CCDC191: variants seen among roughly 807,000 people sequenced by gnomAD.
CCDC191 encodes the protein coiled-coil domain containing 191, also known as coiled-coil domain-containing protein 191.
Under a neutral mutation model 114.0 loss-of-function variants are expected in CCDC191, and 99 were observed. The ratio of observed to expected loss-of-function variants is 0.87; its 90% CI spans 0.74 to 1.03. The LOEUF is 1.03. CCDC191 is among the 50% of genes least tolerant of loss of function. The pLI is 0.00. For synonymous variants in CCDC191, 351 were observed against 376.0 expected (o/e 0.93, Z 0.77); for missense variants, 973 against 1,087.0 (o/e 0.90, Z 1.47).
intron 1 of CCDC191, among the ~76,000 whole-genome samples, chr3:114,055,458 T>G (rs2076758667): frequency 6.6e-6 from 1 of 152,240 alleles, no homozygotes; most frequent in African/African-American, 2.4e-5. Context: ...GGGCAACATA[T>G]TTGTCATGTG....
chr3:114,004,767 A>T (rs1478021334), intron 10 of CCDC191, 21 bp from the exon 11 acceptor site: 1 of 1,603,272 alleles, frequency 6.2e-7, no homozygotes, highest in Non-Finnish European at 8.5e-7. Context: ...AATAAAGGAA[A>T]GGAATTTAGA....
intron 2 of CCDC191, among the ~76,000 whole-genome samples, chr3:114,049,910 T>C (rs754953909): frequency 7.2e-5 from 11 of 152,246 alleles, no homozygotes; most frequent in Admixed American, 3.3e-4. Context: ...CAAGTCCTGA[T>C]TGAAGGCTAG....
chr3:113,996,741 A>C (rs2075731845), intron 13 of CCDC191, among the ~76,000 whole-genome samples: 1 of 152,160 alleles, frequency 6.6e-6, no homozygotes, highest in Admixed American at 6.5e-5. Context: ...TGAAGCTGGA[A>C]GCCATCATAC....
At position 114,028,966 on chromosome 3, in the gene CCDC191, A is replaced by G. The variant is rs2076364816; in HGVS notation, c.972+2660T>C. ...CATACATACACACATATATCTATGT[A>G]TATATCTATATATATTTTATATATA... On this transcript the variant is annotated intron_variant, in intron 7 of 16. Transcript: ENST00000295878. Among the ~76,000 whole-genome samples, 3 of 150,944 alleles carry G rather than the reference A, an allele frequency of 2.0e-5. 1 individual carries two copies. Among genetic ancestry groups the G allele is most frequent in the Admixed American group, 2.0e-4 (3 of 15,144 alleles).
chr3:114,033,126 C>T (rs912505236), intron 6 of CCDC191, among the ~76,000 whole-genome samples: 4 of 150,710 alleles, frequency 2.7e-5, no homozygotes, highest in African/African-American at 9.8e-5. Context: ...TGGAGTCTCA[C>T]TCACTCTGTC....
intron 2 of CCDC191, among the ~76,000 whole-genome samples, chr3:114,049,712 TTAAAA>T (rs1228119484): frequency 1.3e-5 from 2 of 152,196 alleles, no homozygotes; most frequent in African/African-American, 4.8e-5. Context: ...GGGATATCAC[TTAAAA>T]TGAAGATTTG....
At position 114,005,785 on chromosome 3, in the gene CCDC191, G is replaced by T; in HGVS notation, c.1591C>A (p.Pro531Thr). 1 of 1,614,094 alleles carries T rather than the reference G, an allele frequency of 6.2e-7. No individual in the cohort carries two copies. The highest frequency in any genetic ancestry group is 8.5e-7 in the Non-Finnish European group (1 of 1,180,002). The change falls in exon 10 of 17, where the codon CCT becomes ACT. Residue 531 changes from proline to threonine, a missense_variant. Physicochemically the swap from Pro to Thr is conservative, Grantham distance 38. Coordinates refer to ENST00000295878, the MANE Select transcript of CCDC191 (RefSeq NM_020817.2). The stretch of plus-strand genomic sequence containing the variant: ...GTTCTGAGTGTCTCGTTGCTGCCAG[G>T]CTGTTGAGAGGGTTCAGCACCCAGG... ...KTLGAEPSQQPGSNETLRTTS... is the reference protein window; with the variant it reads ...KTLGAEPSQQTGSNETLRTTS...
intron 2 of CCDC191, chr3:114,047,158 G>C (rs1410617159): frequency 2.1e-6 from 2 of 975,268 alleles, no homozygotes; most frequent in East Asian, 2.3e-4. Flanking sequence ...TAGTACTCCT[G>C]AAGGAAATCT....
At chr3:114,053,673 T>C in intron 1 of CCDC191, 38 bp from the exon 2 acceptor site, 2 of 1,452,322 alleles carry the variant, frequency 1.4e-6, no homozygotes, top group African/African-American at 1.4e-5. Flanking sequence ...TACGCAGCAA[T>C]ATCTTTATCA....
chr3:113,978,541 A>C (rs548360443), intron 15 of CCDC191: 29 of 609,694 alleles, frequency 4.8e-5, no homozygotes, highest in Non-Finnish European at 7.9e-5. Context: ...AAACAGTTAT[A>C]AGATTGAAGG....
chr3:114,010,194 G>A (rs1433588130), intron 9 of CCDC191, among the ~76,000 whole-genome samples: 3 of 151,862 alleles, frequency 2.0e-5, no homozygotes, highest in Non-Finnish European at 2.9e-5. Context: ...TTTGGCAGAC[G>A]AGTTCCTCAA....
At position 114,042,756 on chromosome 3, in the gene CCDC191, C is replaced by T; in HGVS notation, c.362G>A (p.Ser121Asn). The T allele has an allele frequency of 1.2e-6, 2 of 1,600,442 alleles. No homozygotes were observed. Among genetic ancestry groups the T allele is most frequent in the Non-Finnish European group, 1.7e-6 (2 of 1,175,358 alleles). ...EEGDAKNTVS[S>N]VTIMPEANGH... ...ATTGGCTTCCGGCATAATAGTGACA[C>T]TTGACACAGTGTTTTTAGCATCACC... The change falls in exon 4 of 17, where the codon AGT (serine) becomes AAT (asparagine). Residue 121 changes from serine to asparagine, a missense_variant. Coordinates refer to ENST00000295878, the MANE Select transcript of CCDC191 (RefSeq NM_020817.2).
intron 5 of CCDC191, 48 bp downstream of exon 5, chr3:114,036,560 C>T: frequency 1.4e-6 from 2 of 1,383,936 alleles, no homozygotes; most frequent in Non-Finnish European, 2.0e-6. Flanking sequence ...ATGTGTTACA[C>T]AAAGACTGCT....
intron 8 of CCDC191, among the ~76,000 whole-genome samples, chr3:114,014,763 C>T (rs1425791248): frequency 6.6e-6 from 1 of 152,108 alleles, no homozygotes; most frequent in African/African-American, 2.4e-5. Flanking sequence ...CTAGAAAGCT[C>T]TCCAGGGAAT....
intron 9 of CCDC191, among the ~76,000 whole-genome samples, chr3:114,009,393 T>C (rs2076028447): frequency 6.6e-6 from 1 of 152,174 alleles, no homozygotes; most frequent in South Asian, 2.1e-4. Context: ...ATTTTCCTTC[T>C]TTATATACTT....
intron 16 of CCDC191, among the ~76,000 whole-genome samples, chr3:113,973,431 TGTTA>T (rs1577315932): frequency 6.6e-6 from 1 of 152,140 alleles, no homozygotes; most frequent in Non-Finnish European, 1.5e-5. Context: ...TTTCTTTTTG[TGTTA>T]GTGTTTTTTT....
At chr3:113,970,724 C>A (rs962215072) in intron 16 of CCDC191, among the ~76,000 whole-genome samples, 2 of 152,100 alleles carry the variant, frequency 1.3e-5, no homozygotes, top group Non-Finnish European at 2.9e-5. Flanking sequence ...CCCGTCCCCC[C>A]ACCCCACAGC....
Position 114,056,484 on chromosome 3 carries a change from G to A in CCDC191, c.-18C>T, listed in dbSNP as rs371120616. 3 of 1,613,822 alleles carry A rather than the reference G, an allele frequency of 1.9e-6. No individual in the cohort carries two copies. In the African/African-American group the frequency reaches 4.0e-5, roughly 22 times the overall value. ...AGGAGCATTTTCCAAGTTCGAGCCC[G>A]AACCTCGGCCAAAGCTGCAGCAACC... On this transcript the variant is annotated 5_prime_UTR_variant, in exon 1 of 17. Transcript: ENST00000295878.
chr3:114,022,495 G>A lies in CCDC191; in HGVS notation c.973-3627C>T, dbSNP rs2062447. Among the ~76,000 whole-genome samples the A allele has an allele frequency of 2.0e-4, 30 of 152,228 alleles. No homozygotes were observed. The East Asian group carries it at 5.4e-3, about 27-fold the overall frequency. On this transcript the variant is annotated intron_variant, in intron 7 of 16. Transcript: ENST00000295878. Reference sequence around the variant, plus strand: ...AAAATAAACAATGAATTGTTAAGAGGACAAAAATGTCAACAAGTTTACAAT... The same window carrying A: ...AAAATAAACAATGAATTGTTAAGAGAACAAAAATGTCAACAAGTTTACAAT...
Sources: allele counts gnomAD v4.1 joint callset (sites outside exome capture counted in the v4.1 genomes callset), GRCh38; gene constraint gnomAD v4.1.1; transcripts MANE v1.5; gene names NCBI Gene and HGNC (gene_info 2026-07-23, HGNC 2026-07-21).